The following KIF23 variants were observed in gnomAD, a reference collection of about 807,000 sequenced individuals.
The protein encoded by KIF23 is kinesin family member 23.
KIF23 carries 30 observed loss-of-function variants against 137.5 expected under a neutral mutation model. That is an observed-to-expected ratio of 0.22 (90% CI 0.16 to 0.30). KIF23 has a LOEUF of 0.30. KIF23 is among the 10% of genes least tolerant of loss of function. KIF23 has a pLI of 1.00. For missense variants in KIF23, 920 were observed against 1,194.3 expected (o/e 0.77, Z 3.38); for synonymous variants, 367 against 391.1 (o/e 0.94, Z 0.73).
At chr15:69,426,241 C>T in intron 9 of KIF23, 59 bp downstream of exon 9, 7 of 1,594,556 alleles carry the variant, frequency 4.4e-6, no homozygotes, top group Non-Finnish European at 6.0e-6. Context: ...AGAGTTGCTA[C>T]TAAGTTTGAT....
intron 22 of KIF23, 96 bp downstream of exon 22, chr15:69,446,460 T>C: frequency 1.0e-6 from 1 of 955,374 alleles, no homozygotes; most frequent in Non-Finnish European, 1.6e-6. Flanking sequence ...TTGAAAATGC[T>C]GAGGTATAAT....
intron 3 of KIF23, 136 bp from the exon 4 acceptor site, chr15:69,421,511 T>A: frequency 1.7e-6 from 1 of 580,364 alleles, no homozygotes; most frequent in South Asian, 2.6e-5. Flanking sequence ...GGGTTCCAAC[T>A]GTAAAAAGAC....
chr15:69,421,716 A>G lies in KIF23; in HGVS notation c.280A>G (p.Asn94Asp). 6.2e-7 allele frequency: 1 copy of G among 1,613,744 alleles called. No individual in the cohort carries two copies. The highest frequency in any genetic ancestry group is 1.7e-5 in the Admixed American group (1 of 60,020). The change falls in exon 4 of 24, where the codon AAT (asparagine) becomes GAT (aspartate). Residue 94 changes from asparagine to aspartate, a missense_variant. Asn to Asp is a conservative substitution (Grantham distance 23, BLOSUM62 1). This residue lies in a region of KIF23 where 124 missense variants were observed against 122.0 expected (regional missense o/e 1.02). Transcript: ENST00000679126. ...TQKELFDVVA[N>D]PLVNDLIHGK... ...GAAGGAACTCTTTGATGTTGTGGCT[A>G]ATCCCTTGGTCAATGACCTCATTCA... is the stretch of plus-strand genomic sequence containing the variant.
intron 11 of KIF23, among the ~76,000 whole-genome samples, chr15:69,433,261 G>T (rs2057397891): frequency 6.6e-6 from 1 of 152,202 alleles, no homozygotes; most frequent in Non-Finnish European, 1.5e-5. Context: ...CCTCCAAGGA[G>T]GCCAAGGGTG....
chr15:69,438,196 A>G (rs1430776861), intron 15 of KIF23, 52 bp from the exon 16 acceptor site: 46 of 1,487,748 alleles, frequency 3.1e-5, no homozygotes, highest in Admixed American at 2.3e-4. Context: ...AGTTGATATC[A>G]TTGTTTGTTT....
intron 21 of KIF23, 53 bp downstream of exon 21, chr15:69,446,144 T>A (rs1365311445): frequency 1.3e-6 from 2 of 1,515,276 alleles, no homozygotes; most frequent in Admixed American, 1.7e-5. Flanking sequence ...TCTTAGCTGC[T>A]CATTTTGGAG....
chr15:69,440,361 A>G lies in KIF23; in HGVS notation c.1983A>G (p.Lys661=). The G allele has an allele frequency of 6.2e-7, 1 of 1,614,046 alleles. No homozygotes were observed. Among genetic ancestry groups the G allele is most frequent in the African/African-American group, 1.3e-5 (1 of 75,046 alleles). Residue 661 remains lysine, a synonymous_variant, in exon 18 of 24, where the codon AAA becomes AAG. Coordinates refer to ENST00000679126, the MANE Select transcript of KIF23 (RefSeq NM_001367805.3). ...AGATGCAGAATAAACTCTGGGTTAA[A>G]GATGAAAAGCTGAAACAACTGAAGG... ...QLEMQNKLWV[K]DEKLKQLKAI...
chr15:69,414,707 C>A (rs1268003468), intron 1 of KIF23: 6 of 426,292 alleles, frequency 1.4e-5, no homozygotes, highest in African/African-American at 2.1e-5. Flanking sequence ...CCCGCCTGGG[C>A]CTCCAAGGGG....
chr15:69,434,825 G>A, intron 11 of KIF23: 1 of 948,968 alleles, frequency 1.1e-6, no homozygotes, highest in Non-Finnish European at 1.7e-6. Flanking sequence ...GCACGTCCCT[G>A]GCAGTAATGT....
At chr15:69,425,897 T>C (rs997543673) in intron 8 of KIF23, 173 bp from the exon 9 acceptor site, 1 of 185,182 alleles carries the variant, frequency 5.4e-6, no homozygotes, top group East Asian at 1.3e-4. Context: ...TACAATCTTA[T>C]CTAAGTTTAA....
Position 69,423,184 on chromosome 15 carries a change from G to A in KIF23, c.589G>A (p.Asp197Asn). ...ACGACAAGTAGATCCAGAGTTTGCA[G>A]ATATGATAACTGTACAAGAATTCTG... ...SKRQVDPEFA[D>N]MITVQEFCKA... The change falls in exon 7 of 24, where the codon GAT becomes AAT. Residue 197 changes from aspartate to asparagine, a missense_variant. Around this residue, in one of 4 missense-constraint regions of KIF23, gnomAD observed 714 missense variants for 866.2 expected, o/e 0.82. Coordinates refer to ENST00000679126, the MANE Select transcript of KIF23 (RefSeq NM_001367805.3). 3 of 1,597,986 alleles carry A rather than the reference G, an allele frequency of 1.9e-6. No individual in the cohort carries two copies. Among genetic ancestry groups the A allele is most frequent in the East Asian group, 2.2e-5 (1 of 44,510 alleles).
chr15:69,414,460 G>C lies in KIF23; in HGVS notation c.-6G>C. 6.3e-7 allele frequency: 1 copy of C among 1,589,882 alleles called. No homozygotes were observed. Among genetic ancestry groups the C allele is most frequent in the Non-Finnish European group, 8.6e-7 (1 of 1,168,628 alleles). On this transcript the variant is annotated 5_prime_UTR_variant, in exon 1 of 24. Transcript: ENST00000679126. Reference sequence around the variant, plus strand: ...TGCGCGTTTGGGCGGCGTGGAGCCTGCTGCCATGAAGTCAGCGTGAGTACG... The same window carrying C: ...TGCGCGTTTGGGCGGCGTGGAGCCTCCTGCCATGAAGTCAGCGTGAGTACG...
chr15:69,447,513 ATATATGTATATAAAATGT>A (rs1460934805), intron 23 of KIF23, among the ~76,000 whole-genome samples: 2 of 152,294 alleles, frequency 1.3e-5, no homozygotes, highest in African/African-American at 4.8e-5. Context: ...TGTTATATAC[ATATATGTATATAAAATGT>A]TATATGTATA....
At position 69,440,093 on chromosome 15, in the gene KIF23, G is replaced by A. The variant is rs1257016418; in HGVS notation, c.1929+16G>A. 1 of 1,608,124 alleles carries A rather than the reference G, an allele frequency of 6.2e-7. No homozygotes were observed. Among genetic ancestry groups the A allele is most frequent in the Non-Finnish European group, 8.5e-7 (1 of 1,177,250 alleles). On this transcript the variant is annotated intron_variant, in intron 17 of 23. Transcript: ENST00000679126. ...GAAAGAATGTGTGAGTATCGTTTGGGTAGTGCTTGTCTCAGAGTCGGATGA... is the reference window on the plus strand; with the variant it reads ...GAAAGAATGTGTGAGTATCGTTTGGATAGTGCTTGTCTCAGAGTCGGATGA...
At chr15:69,434,858 C>A in intron 11 of KIF23, 2 of 788,086 alleles carry the variant, frequency 2.5e-6, no homozygotes, top group East Asian at 2.5e-5. Flanking sequence ...CATAGCTGCT[C>A]ACGTAGTCCA....
chr15:69,422,479 G>A, intron 6 of KIF23, 44 bp downstream of exon 6: 1 of 1,113,630 alleles, frequency 9.0e-7, no homozygotes, highest in Non-Finnish European at 1.4e-6. Context: ...AGGGGCACAG[G>A]ATTCTTTCCT....
In KIF23 at chr15:69,416,077, G is replaced by A. The variant is rs2056897980; in HGVS notation, c.81+14G>A. Reference sequence around the variant, plus strand: ...GACCCAGTTGGGGTAAGGTATCCCTGTAAATTTATGTGTGGTGTTTAAGAA... The same window carrying A: ...GACCCAGTTGGGGTAAGGTATCCCTATAAATTTATGTGTGGTGTTTAAGAA... On this transcript the variant is annotated intron_variant, in intron 2 of 23. Transcript: ENST00000679126. 1.3e-6 allele frequency: 2 copies of A among 1,530,548 alleles called. No individual in the cohort carries two copies. The highest frequency in any genetic ancestry group is 1.4e-5 in the African/African-American group (1 of 70,894). 94.8% of individuals were successfully genotyped at this position (1,530,548 alleles called of 1,614,324 possible).
chr15:69,421,964 T>C (rs780349117), intron 4 of KIF23, 28 bp from the exon 5 acceptor site: 3 of 1,611,378 alleles, frequency 1.9e-6, no homozygotes, highest in African/African-American at 2.7e-5. Context: ...TTCTAAGATA[T>C]AACTCATTGT....
At position 69,435,244 on chromosome 15, in the gene KIF23, G is replaced by T. The variant is rs569743873; in HGVS notation, c.1115-239G>T. The stretch of plus-strand genomic sequence containing the variant: ...GTCATTAACTGTAATGTTGCATTTT[G>T]TGGAAAATCCTGTTGGTAGAATCCC... On this transcript the variant is annotated intron_variant, in intron 11 of 23. Coordinates refer to ENST00000679126, the MANE Select transcript of KIF23 (RefSeq NM_001367805.3). The T allele has an allele frequency of 5.7e-6, 3 of 529,152 alleles. No individual in the cohort carries two copies. The East Asian group carries it at 9.0e-5, about 16-fold the overall frequency. The allele number at this position is 529,152 out of a possible 1,614,324, so 32.8% of individuals were successfully genotyped here. A position where few individuals can be genotyped will look rare whatever the true frequency, so the allele number is the denominator to read the frequency against.
Sources: allele counts gnomAD v4.1 joint callset (sites outside exome capture counted in the v4.1 genomes callset), GRCh38; gene constraint gnomAD v4.1.1; regional missense constraint gnomAD v4.1.1; transcripts MANE v1.5; gene names NCBI Gene and HGNC (gene_info 2026-07-23, HGNC 2026-07-21).